The following KCNIP4 variants were observed in gnomAD, a reference collection of about 807,000 sequenced individuals.
The protein encoded by KCNIP4 is potassium voltage-gated channel interacting protein 4, also known as Kv channel-interacting protein 4.
A neutral mutation model predicts 34.0 loss-of-function variants in KCNIP4; 12 were observed. The observed-to-expected ratio is 0.35, with a 90% CI of 0.23 to 0.57. KCNIP4 has a LOEUF of 0.57. Among genes scored for constraint, KCNIP4 ranks in the 20% least tolerant of loss-of-function variants. The pLI is 0.83. For missense variants in KCNIP4, 238 were observed against 311.7 expected (o/e 0.76, Z 1.78); for synonymous variants, 124 against 102.2 (o/e 1.21, Z -1.29).
At chr4:21,211,365 G>A (rs973961815) in intron 1 of KCNIP4, among the ~76,000 whole-genome samples, 1 of 152,144 alleles carries the variant, frequency 6.6e-6, no homozygotes, top group Non-Finnish European at 1.5e-5. Flanking sequence ...GGGATGCACA[G>A]CAAGAGGTGA....
intron 1 of KCNIP4, among the ~76,000 whole-genome samples, chr4:21,253,356 T>TAGAA (rs1760850199): frequency 1.3e-5 from 2 of 152,202 alleles, no homozygotes; most frequent in African/African-American, 4.8e-5. Context: ...GAAAGTAATC[T>TAGAA]TCTGGAGAAA....
intron 1 of KCNIP4, among the ~76,000 whole-genome samples, chr4:21,245,832 G>A (rs1374928424): frequency 1.3e-5 from 2 of 152,138 alleles, no homozygotes; most frequent in Admixed American, 6.5e-5. Context: ...AAGGCAACAC[G>A]TAGCTAGGGT....
intron 1 of KCNIP4, among the ~76,000 whole-genome samples, chr4:20,956,674 G>T (rs1478556997): frequency 1.3e-5 from 2 of 152,098 alleles, no homozygotes; most frequent in Non-Finnish European, 2.9e-5. Flanking sequence ...GCAAGTTAAA[G>T]AAATGTATTC....
intron 1 of KCNIP4, among the ~76,000 whole-genome samples, chr4:20,991,310 G>A (rs1202113844): frequency 6.6e-6 from 1 of 152,146 alleles, no homozygotes; most frequent in Non-Finnish European, 1.5e-5. Context: ...TAAATATTCA[G>A]TAACTAGTTC....
intron 1 of KCNIP4, among the ~76,000 whole-genome samples, chr4:20,913,624 C>A (rs372105647): frequency 6.6e-6 from 1 of 152,206 alleles, no homozygotes; most frequent in South Asian, 2.1e-4. Context: ...CTACTCCCAG[C>A]ACTCCTTCTC....
At chr4:21,273,279 T>C (rs1352947511) in intron 1 of KCNIP4, among the ~76,000 whole-genome samples, 1 of 152,144 alleles carries the variant, frequency 6.6e-6, no homozygotes, top group African/African-American at 2.4e-5. Flanking sequence ...ACCTACTGTA[T>C]CCTCTATAGC....
In KCNIP4 at chr4:20,755,553, T is replaced by A. The variant is rs549833605; in HGVS notation, c.358+3268A>T. 2.6e-5 allele frequency among the ~76,000 whole-genome samples: 4 copies of A among 152,292 alleles called. No homozygotes were observed. In the East Asian group the frequency reaches 7.8e-4, roughly 30 times the overall value. ...CAGTAAACAAAGTGGAGAAATCCTC[T>A]GTTCCCCTGGAGCTGACATTCTAGT... is the stretch of plus-strand genomic sequence containing the variant. On this transcript the variant is annotated intron_variant, in intron 4 of 8. Coordinates refer to ENST00000382152, the MANE Select transcript of KCNIP4 (RefSeq NM_025221.6).
chr4:21,880,621 ATTTC>A (rs1454677738), intron 1 of KCNIP4, among the ~76,000 whole-genome samples: 1 of 152,182 alleles, frequency 6.6e-6, no homozygotes, highest in Non-Finnish European at 1.5e-5. Flanking sequence ...TATTCTGTTT[ATTTC>A]TAAGGGAAAA....
intron 1 of KCNIP4, among the ~76,000 whole-genome samples, chr4:21,947,021 T>C (rs901114105): frequency 2.6e-5 from 4 of 152,182 alleles, no homozygotes; most frequent in African/African-American, 4.8e-5. Context: ...CTGTGGTCAC[T>C]GAGGAGCCAA....
At chr4:21,708,937 C>T (rs969313937) in intron 1 of KCNIP4, among the ~76,000 whole-genome samples, 11 of 152,076 alleles carry the variant, frequency 7.2e-5, no homozygotes, top group African/African-American at 1.4e-4. Context: ...TTTAAACTTT[C>T]GAATTCAGCA....
At chr4:20,812,881 A>T (rs1715940561) in intron 3 of KCNIP4, among the ~76,000 whole-genome samples, 1 of 152,016 alleles carries the variant, frequency 6.6e-6, no homozygotes, top group Non-Finnish European at 1.5e-5. Flanking sequence ...GATAACCTTG[A>T]GACAGTGTGG....
chr4:21,449,265 G>T (rs1317858861), intron 1 of KCNIP4, among the ~76,000 whole-genome samples: 1 of 152,066 alleles, frequency 6.6e-6, no homozygotes. Context: ...TTTAAAATAG[G>T]AATGCCTATA....
chr4:20,946,850 A>G (rs1732245709), intron 1 of KCNIP4, among the ~76,000 whole-genome samples: 1 of 152,184 alleles, frequency 6.6e-6, no homozygotes, highest in South Asian at 2.1e-4. Context: ...CCCCATTGCC[A>G]ACAGCAGTGG....
intron 1 of KCNIP4, among the ~76,000 whole-genome samples, chr4:21,525,574 C>T (rs1735902349): frequency 6.6e-6 from 1 of 152,120 alleles, no homozygotes; most frequent in Non-Finnish European, 1.5e-5. Flanking sequence ...AGCGGCAGCT[C>T]ATTTCCCAGA....
chr4:21,381,637 A>T (rs1721515654), intron 1 of KCNIP4, among the ~76,000 whole-genome samples: 1 of 152,196 alleles, frequency 6.6e-6, no homozygotes, highest in Non-Finnish European at 1.5e-5. Context: ...ATTTATTCTT[A>T]GTTTTAAAAG....
chr4:21,210,596 C>CAAAAATCAATTTGATAAATAA (rs1757149528), intron 1 of KCNIP4, among the ~76,000 whole-genome samples: 1 of 151,628 alleles, frequency 6.6e-6, no homozygotes, highest in Non-Finnish European at 1.5e-5. Flanking sequence ...GGTGGATAAA[C>CAAAAATCAATTTGATAAATAA]AAAAAAAATC....
At chr4:21,315,851 G>A (rs139299390) in intron 1 of KCNIP4, among the ~76,000 whole-genome samples, 1 of 152,174 alleles carries the variant, frequency 6.6e-6, no homozygotes, top group East Asian at 1.9e-4. Context: ...ATTTTCAGTG[G>A]TATTTTGCTG....
At chr4:20,948,533 C>T (rs1431060126) in intron 1 of KCNIP4, among the ~76,000 whole-genome samples, 2 of 152,208 alleles carry the variant, frequency 1.3e-5, no homozygotes, top group Non-Finnish European at 2.9e-5. Context: ...TACACTCCTG[C>T]AGCATGCTGG....
At chr4:21,928,949 C>T (rs1729417712) in intron 1 of KCNIP4, among the ~76,000 whole-genome samples, 1 of 151,958 alleles carries the variant, frequency 6.6e-6, no homozygotes, top group Non-Finnish European at 1.5e-5. Flanking sequence ...AACAACATCC[C>T]ATCTCTGCCC....
Sources: allele counts gnomAD v4.1 joint callset (sites outside exome capture counted in the v4.1 genomes callset), GRCh38; gene constraint gnomAD v4.1.1; transcripts MANE v1.5; gene names NCBI Gene and HGNC (gene_info 2026-07-23, HGNC 2026-07-21).